Variants in MALRD1 observed in about 807,000 individuals in gnomAD.
MALRD1 encodes the protein MAM and LDL-receptor class A domain-containing protein 1.
MALRD1 carries 247 observed loss-of-function variants against 242.1 expected under a neutral mutation model. The ratio of observed to expected loss-of-function variants is 1.02; its 90% CI spans 0.92 to 1.13. The LOEUF (loss-of-function observed/expected upper bound fraction) is 1.13, where lower values mean the gene tolerates loss of function less well. MALRD1 is among the 50% of genes most tolerant of loss of function. The probability of loss-of-function intolerance (pLI) is 0.00; values close to 1 mark genes in which losing one functional copy is unlikely to be tolerated. For missense variants in MALRD1, 2,989 were observed against 2,533.1 expected, an observed-to-expected ratio of 1.18 and a Z score of -3.86; for synonymous variants, 995 against 866.6, an observed-to-expected ratio of 1.15 and a Z score of -2.60.
chr10:19,504,646 A>G (rs1030561895), intron 31 of MALRD1, among the ~76,000 whole-genome samples: 14 of 149,792 alleles, frequency 9.3e-5, no homozygotes, highest in Admixed American at 8.6e-4. Context: ...AAAACATATA[A>G]TGACTATATT....
intron 18 of MALRD1, among the ~76,000 whole-genome samples, chr10:19,236,034 G>A (rs1234382041): frequency 2.0e-5 from 3 of 152,164 alleles, no homozygotes; most frequent in Non-Finnish European, 4.4e-5. Flanking sequence ...GATTACAAAG[G>A]AAGAATGATT....
At chr10:19,083,855 A>T (rs978461885) in intron 2 of MALRD1, among the ~76,000 whole-genome samples, 6 of 152,014 alleles carry the variant, frequency 3.9e-5, no homozygotes, top group East Asian at 1.9e-4. Flanking sequence ...AAAGCCCTCC[A>T]AATTACCAAA....
chr10:19,417,051 C>T (rs1833538470), intron 28 of MALRD1, among the ~76,000 whole-genome samples: 1 of 152,158 alleles, frequency 6.6e-6, no homozygotes, highest in Non-Finnish European at 1.5e-5. Context: ...CTCTTTTTAG[C>T]TTATGGGATA....
chr10:19,218,834 T>G (rs1837438108), intron 18 of MALRD1, among the ~76,000 whole-genome samples: 2 of 152,058 alleles, frequency 1.3e-5, no homozygotes, highest in Admixed American at 1.3e-4. Context: ...ACAAAAATAC[T>G]AAGGAGATAT....
intron 26 of MALRD1, among the ~76,000 whole-genome samples, chr10:19,376,020 G>T (rs1312843623): frequency 1.3e-5 from 2 of 152,202 alleles, no homozygotes; most frequent in African/African-American, 4.8e-5. Context: ...TACTCAGGAG[G>T]CTGAGGCAGG....
chr10:19,463,342 C>G (rs560651901), intron 29 of MALRD1, among the ~76,000 whole-genome samples: 3 of 147,010 alleles, frequency 2.0e-5, no homozygotes, highest in Admixed American at 6.9e-5. Context: ...CACCCTTTCC[C>G]GAGTCCTCAA....
intron 19 of MALRD1, among the ~76,000 whole-genome samples, chr10:19,259,252 A>G (rs990774973): frequency 8.5e-5 from 13 of 152,150 alleles, no homozygotes; most frequent in African/African-American, 3.1e-4. Flanking sequence ...ACCTTTCACC[A>G]GTGTATATCT....
At chr10:19,076,115 A>C (rs1028925770) in intron 2 of MALRD1, among the ~76,000 whole-genome samples, 7 of 151,784 alleles carry the variant, frequency 4.6e-5, no homozygotes, top group Non-Finnish European at 7.4e-5. Flanking sequence ...TTATGTGTTT[A>C]ACTTTTTTAT....
At chr10:19,227,639 T>G (rs756773761) in intron 18 of MALRD1, among the ~76,000 whole-genome samples, 76 of 151,978 alleles carry the variant, frequency 5.0e-4, no homozygotes, top group African/African-American at 1.7e-3. Flanking sequence ...CGTTTGCAAT[T>G]TAAAACACAG....
chr10:19,256,806 A>G (rs1173964710), intron 18 of MALRD1, among the ~76,000 whole-genome samples: 1 of 152,108 alleles, frequency 6.6e-6, no homozygotes, highest in Non-Finnish European at 1.5e-5. Context: ...GTAAAACTTC[A>G]ACTCCCACAT....
intron 21 of MALRD1, among the ~76,000 whole-genome samples, chr10:19,312,889 CG>C (rs1331532394): frequency 2.0e-5 from 3 of 151,308 alleles, no homozygotes; most frequent in African/African-American, 7.3e-5. Context: ...GGCAGGGAAA[CG>C]ATCAGTGGCT....
intron 5 of MALRD1, among the ~76,000 whole-genome samples, chr10:19,117,562 A>G (rs1836916156): frequency 6.6e-6 from 1 of 152,290 alleles, no homozygotes; most frequent in South Asian, 2.1e-4. Context: ...TGTAGCTATT[A>G]TATGAATCTA....
chr10:19,395,244 C>T (rs922275284), intron 28 of MALRD1, among the ~76,000 whole-genome samples: 4 of 152,138 alleles, frequency 2.6e-5, no homozygotes, highest in Non-Finnish European at 4.4e-5. Flanking sequence ...GAGTTAAGGA[C>T]GTGTGCCCAT....
chr10:19,471,044 C>A (rs1480596862), intron 29 of MALRD1, among the ~76,000 whole-genome samples: 2 of 151,310 alleles, frequency 1.3e-5, no homozygotes, highest in African/African-American at 2.4e-5. Flanking sequence ...TTTCCCCTAT[C>A]TTTTTTTTAG....
chr10:19,607,994 A>G, intron 35 of MALRD1, 92 bp downstream of exon 35: 3 of 1,424,842 alleles, frequency 2.1e-6, no homozygotes, highest in South Asian at 2.7e-5. Flanking sequence ...GTTCTAAACA[A>G]TGGCAAGCAT....
At chr10:19,412,462 G>A (rs1004336148) in intron 28 of MALRD1, among the ~76,000 whole-genome samples, 2 of 152,102 alleles carry the variant, frequency 1.3e-5, no homozygotes, top group Non-Finnish European at 2.9e-5. Flanking sequence ...TCTTGTATGG[G>A]GGCTGAAACG....
At chr10:19,414,149 A>G (rs1257914516) in intron 28 of MALRD1, among the ~76,000 whole-genome samples, 12 of 152,140 alleles carry the variant, frequency 7.9e-5, no homozygotes, top group Admixed American at 7.9e-4. Flanking sequence ...TTATATAATT[A>G]TGTACTCTGT....
chr10:19,662,150 GA>G (rs755678275), intron 36 of MALRD1, among the ~76,000 whole-genome samples: 29 of 152,162 alleles, frequency 1.9e-4, no homozygotes, highest in Admixed American at 4.6e-4. Context: ...AAAAATAATT[GA>G]ATAAGACTGT....
intron 29 of MALRD1, among the ~76,000 whole-genome samples, chr10:19,462,616 A>C (rs555794264): frequency 2.6e-5 from 4 of 152,242 alleles, no homozygotes; most frequent in Non-Finnish European, 5.9e-5. Context: ...ATCCACTATA[A>C]GCTCATTGAA....
Sources: gnomAD v4.1 joint callset for allele counts (sites outside exome capture counted in the v4.1 genomes callset) on GRCh38, gnomAD v4.1.1 for gene constraint, MANE v1.5 for transcripts, NCBI Gene and HGNC (gene_info 2026-07-23, HGNC 2026-07-21) for gene names.